Variants in IST1 observed in about 807,000 individuals in gnomAD.
IST1 encodes IST1 homolog.
In IST1, 23 loss-of-function variants were observed where a neutral mutation model predicts 37.0. That is an observed-to-expected ratio of 0.62 (90% confidence interval 0.45 to 0.88). IST1 has a LOEUF of 0.88. IST1 is among the 40% of genes least tolerant of loss of function. The pLI is 0.00. For missense variants in IST1, 488 were observed against 445.4 expected, an observed-to-expected ratio of 1.10 and a Z score of -0.86; for synonymous variants, 180 against 161.7, an observed-to-expected ratio of 1.11 and a Z score of -0.86.
chr16:71,901,772 G>T (rs929536133), intron 1 of IST1, among the ~76,000 whole-genome samples: 2 of 152,168 alleles, frequency 1.3e-5, no homozygotes, highest in Non-Finnish European at 2.9e-5. Flanking sequence ...TTAAAAGCAT[G>T]TGGTTTTTAA....
intron 1 of IST1, among the ~76,000 whole-genome samples, chr16:71,913,963 C>T (rs540912014): frequency 2.7e-4 from 41 of 152,206 alleles, no homozygotes; most frequent in Admixed American, 2.6e-3. Flanking sequence ...CATGCGCCAC[C>T]ACGCCTGGCT....
chr16:71,898,679 CAAAA>C (rs2037033867), intron 1 of IST1, among the ~76,000 whole-genome samples: 3 of 115,176 alleles, frequency 2.6e-5, no homozygotes, highest in Non-Finnish European at 5.4e-5. Flanking sequence ...AAAAAAAAAA[CAAAA>C]AAGGAAACAC....
At chr16:71,927,470 CAGAG>C (rs1202485225) in intron 9 of IST1, 140 bp from the exon 10 acceptor site, 3 of 641,718 alleles carry the variant, frequency 4.7e-6, no homozygotes, top group Non-Finnish European at 8.1e-6. Context: ...GCCTGGGTGA[CAGAG>C]GGAGACTGTC....
intron 4 of IST1, among the ~76,000 whole-genome samples, chr16:71,919,216 C>T (rs1043886509): frequency 1.3e-5 from 2 of 152,170 alleles, no homozygotes; most frequent in Non-Finnish European, 2.9e-5. Context: ...TTGTCTGGCT[C>T]CCACTTCCCT....
At chr16:71,905,443 A>T (rs1165569259) in intron 1 of IST1, among the ~76,000 whole-genome samples, 2 of 150,438 alleles carry the variant, frequency 1.3e-5, no homozygotes, top group Admixed American at 6.6e-5. Flanking sequence ...CGATGGCACC[A>T]TGTCAGCTCA....
At chr16:71,895,141 G>A (rs1398326303), upstream of IST1, 4 of 276,994 alleles carry the variant, frequency 1.4e-5, no homozygotes, top group Non-Finnish European at 2.8e-5. Flanking sequence ...ATCTTAGGGA[G>A]CAACTCCCGG....
At chr16:71,895,016 C>T (rs1158891410), upstream of IST1, 4 of 560,958 alleles carry the variant, frequency 7.1e-6, no homozygotes, top group Admixed American at 1.3e-4. Context: ...CGGGGGAACG[C>T]TTAGAGCCCG....
At chr16:71,920,953 A>ACAGCTGTGTGGCTGG in intron 5 of IST1, 131 bp downstream of exon 5, 1 of 740,890 alleles carries the variant, frequency 1.3e-6, no homozygotes, top group Non-Finnish European at 2.4e-6. Flanking sequence ...GGTGAGGAGG[A>ACAGCTGTGTGGCTGG]CAGCTGTGTG....
At chr16:71,899,752 G>T (rs2037060034) in intron 1 of IST1, among the ~76,000 whole-genome samples, 2 of 151,850 alleles carry the variant, frequency 1.3e-5, no homozygotes, top group Non-Finnish European at 2.9e-5. Context: ...AGCCGGGCAT[G>T]GTGGCTAACG....
chr16:71,912,122 C>T (rs193157075), intron 1 of IST1, among the ~76,000 whole-genome samples: 118 of 152,210 alleles, frequency 7.8e-4, no homozygotes, highest in Middle Eastern at 3.4e-3. Context: ...AGAATAATCT[C>T]CATTGCAGAT....
intron 1 of IST1, among the ~76,000 whole-genome samples, chr16:71,913,061 C>G (rs1485179875): frequency 6.6e-6 from 1 of 152,206 alleles, no homozygotes; most frequent in East Asian, 1.9e-4. Flanking sequence ...CTGCTGGGAA[C>G]ATAGGTATGC....
intron 1 of IST1, among the ~76,000 whole-genome samples, chr16:71,914,676 C>T (rs1006878981): frequency 1.3e-5 from 2 of 152,106 alleles, no homozygotes; most frequent in South Asian, 2.1e-4. Context: ...AAGGAAAACA[C>T]ATCTGATGTT....
upstream of IST1, chr16:71,894,716 T>TTTTA: frequency 1.8e-6 from 1 of 557,206 alleles, no homozygotes. Flanking sequence ...TTTTTTTTTT[T>TTTTA]GTAGCGATGC....
At position 71,927,721 on chromosome 16, in the gene IST1, A is replaced by T; in HGVS notation, c.1009A>T (p.Thr337Ser). The change falls in exon 10 of 10, where the codon ACT (threonine) becomes TCT (serine). Residue 337 changes from threonine to serine, a missense_variant. Coordinates refer to ENST00000378799, the MANE Select transcript of IST1 (RefSeq NM_001270975.2). ...ELPSVPDTLP[T>S]ASAGASTSAS... ...GCCATCTGTGCCAGACACACTACCA[A>T]CTGCATCTGCTGGTGCCAGCACCTC... 6.2e-7 allele frequency: 1 copy of T among 1,613,418 alleles called. No homozygotes were observed. Among genetic ancestry groups the T allele is most frequent in the East Asian group, 2.2e-5 (1 of 44,880 alleles).
intron 5 of IST1, 72 bp downstream of exon 5, chr16:71,920,894 A>G (rs1597252728): frequency 9.6e-7 from 1 of 1,037,290 alleles, no homozygotes; most frequent in Non-Finnish European, 1.5e-6. Context: ...TGGCAATTCT[A>G]GTGGGTACCA....
intron 8 of IST1, chr16:71,924,287 G>A (rs1476901932): frequency 9.6e-6 from 4 of 418,472 alleles, no homozygotes; most frequent in African/African-American, 8.3e-5. Flanking sequence ...GTATGGTAAG[G>A]ATTTTTTTTT....
intron 1 of IST1, among the ~76,000 whole-genome samples, chr16:71,914,056 C>T (rs1437975383): frequency 6.6e-6 from 1 of 152,102 alleles, no homozygotes. Context: ...GATCCACCCA[C>T]CTAGGCCTCC....
At chr16:71,921,202 GA>G (rs777062875) in intron 5 of IST1, 140 bp from the exon 6 acceptor site, 4 of 630,224 alleles carry the variant, frequency 6.3e-6, no homozygotes, top group Non-Finnish European at 8.5e-6. Context: ...TTGTGACTCT[GA>G]AAAAAATCAT....
intron 1 of IST1, among the ~76,000 whole-genome samples, chr16:71,908,054 C>G (rs1597239736): frequency 2.0e-5 from 3 of 152,220 alleles, no homozygotes; most frequent in Admixed American, 1.3e-4. Flanking sequence ...AAGCAGTTCT[C>G]TGCCTCAGCC....
Sources: allele counts gnomAD v4.1 joint callset (sites outside exome capture counted in the v4.1 genomes callset), GRCh38; gene constraint gnomAD v4.1.1; transcripts MANE v1.5; gene names NCBI Gene and HGNC (gene_info 2026-07-23, HGNC 2026-07-21).